INPP5D: variants seen among roughly 807,000 people sequenced by gnomAD.
The protein encoded by INPP5D is inositol polyphosphate-5-phosphatase D, also known as phosphatidylinositol 3,4,5-trisphosphate 5-phosphatase 1.
Under a neutral mutation model 122.9 loss-of-function variants are expected in INPP5D, and 33 were observed. That is an observed-to-expected ratio of 0.27 (90% CI 0.20 to 0.36). INPP5D has a LOEUF of 0.36. Ranked by LOEUF, INPP5D falls within the 10% of genes least tolerant of loss-of-function variation. The pLI, the probability that INPP5D is intolerant of heterozygous loss-of-function variation, is 1.00. For missense variants in INPP5D, 1,053 were observed against 1,412.7 expected (o/e 0.75, Z 4.08); for synonymous variants, 584 against 576.2 (o/e 1.01, Z -0.19).
intron 1 of INPP5D, among the ~76,000 whole-genome samples, chr2:233,074,288 C>T (rs963706555): frequency 5.3e-5 from 8 of 152,134 alleles, no homozygotes; most frequent in African/African-American, 1.9e-4. Context: ...GGGGGCGCCT[C>T]ATACCTGGGT....
chr2:233,098,246 C>G (rs1692202971), intron 2 of INPP5D, among the ~76,000 whole-genome samples: 1 of 152,104 alleles, frequency 6.6e-6, no homozygotes, highest in Admixed American at 6.6e-5. Context: ...GAGGAGGATG[C>G]AAGTCAAAGA....
At chr2:233,130,698 G>A in intron 5 of INPP5D, 50 bp downstream of exon 5, 1 of 1,604,236 alleles carries the variant, frequency 6.2e-7, no homozygotes, top group Non-Finnish European at 8.5e-7. Flanking sequence ...CACCAGGTGA[G>A]AGAAACAGCT....
At chr2:233,122,373 G>A (rs552686220) in intron 3 of INPP5D, 116 bp downstream of exon 3, 9 of 1,137,546 alleles carry the variant, frequency 7.9e-6, no homozygotes, top group Non-Finnish European at 9.8e-6. Flanking sequence ...TTGGCGTGGG[G>A]GTTAAGGACA....
At chr2:233,148,390 A>G (rs1292448189) in intron 9 of INPP5D, among the ~76,000 whole-genome samples, 1 of 152,204 alleles carries the variant, frequency 6.6e-6, no homozygotes, top group Non-Finnish European at 1.5e-5. Flanking sequence ...GAAAGGGCAG[A>G]CATGGAAGTT....
intron 24 of INPP5D, among the ~76,000 whole-genome samples, chr2:233,196,697 G>T (rs748203751): frequency 6.6e-6 from 1 of 152,152 alleles, no homozygotes; most frequent in East Asian, 1.9e-4. Context: ...CTAACTCACC[G>T]ATGTGGTCTC....
intron 5 of INPP5D, among the ~76,000 whole-genome samples, chr2:233,135,370 A>AT (rs1023180615): frequency 1.7e-4 from 26 of 149,496 alleles, no homozygotes; most frequent in South Asian, 6.3e-4. Context: ...TAATTAAACA[A>AT]TTTTTTTTTT....
intron 2 of INPP5D, among the ~76,000 whole-genome samples, chr2:233,109,886 G>A (rs543966161): frequency 6.6e-6 from 1 of 150,740 alleles, no homozygotes; most frequent in Non-Finnish European, 1.5e-5. Context: ...GCGCCCACCA[G>A]TCTTTATCTT....
intron 3 of INPP5D, 60 bp downstream of exon 3, chr2:233,122,317 T>A: frequency 6.5e-7 from 1 of 1,542,072 alleles, no homozygotes; most frequent in Non-Finnish European, 8.8e-7. Context: ...TGCACCCACC[T>A]TGAGTGCTTG....
intron 17 of INPP5D, 175 bp downstream of exon 17, chr2:233,171,327 C>A: frequency 2.1e-6 from 2 of 930,584 alleles, no homozygotes; most frequent in Non-Finnish European, 3.1e-6. Context: ...CACACTTGTG[C>A]ACTGCTTTGA....
At chr2:233,113,304 C>G (rs1182554953) in intron 2 of INPP5D, among the ~76,000 whole-genome samples, 5 of 152,122 alleles carry the variant, frequency 3.3e-5, no homozygotes, top group Non-Finnish European at 7.3e-5. Flanking sequence ...TGCAACCTGA[C>G]CACCTCCCTG....
intron 17 of INPP5D, among the ~76,000 whole-genome samples, chr2:233,176,942 A>G (rs1000099025): frequency 6.6e-6 from 1 of 152,060 alleles, no homozygotes; most frequent in Non-Finnish European, 1.5e-5. Flanking sequence ...GCAGAGACTG[A>G]GCTGAAAATA....
chr2:233,088,335 G>A (rs1691905703), intron 2 of INPP5D, among the ~76,000 whole-genome samples: 1 of 152,154 alleles, frequency 6.6e-6, no homozygotes, highest in Non-Finnish European at 1.5e-5. Context: ...CACTGGCCCT[G>A]TTGTCTGTTC....
At chr2:233,157,129 A>G (rs1694075380) in intron 9 of INPP5D, among the ~76,000 whole-genome samples, 1 of 152,256 alleles carries the variant, frequency 6.6e-6, no homozygotes, top group Admixed American at 6.5e-5. Flanking sequence ...GCCTCTAAAA[A>G]TGTATCACCG....
chr2:233,118,248 A>C (rs919692323), intron 2 of INPP5D, among the ~76,000 whole-genome samples: 3 of 151,516 alleles, frequency 2.0e-5, no homozygotes, highest in Non-Finnish European at 4.4e-5. Flanking sequence ...CCTACCGGCC[A>C]CTCTGCCCTG....
rs770876246 is a variant in INPP5D, at chr2:233,170,573, G to A, written c.1869G>A (p.Glu623=). 1.4e-5 allele frequency: 23 copies of A among 1,613,654 alleles called. No homozygotes were observed. Among genetic ancestry groups the A allele is most frequent in the Non-Finnish European group, 1.7e-5 (20 of 1,179,746 alleles). ...DLLSHDQLLT[E]RREQKVFLHF... ...TGTCCCACGACCAGCTGCTCACAGA[G>A]AGGAGGGAGCAGAAGGTCTTCCTAC... Residue 623 remains glutamate (E), a synonymous_variant, in exon 16 of 27, where the codon GAG becomes GAA. Transcript: ENST00000445964. This position sits in a 1 kb window ranked among gnomAD's most constrained non-coding sequence, Gnocchi z 4.5.
intron 25 of INPP5D, among the ~76,000 whole-genome samples, chr2:233,200,685 G>A (rs1024624608): frequency 3.3e-5 from 5 of 152,180 alleles, no homozygotes; most frequent in Admixed American, 6.5e-5. Context: ...TAGGCCAGGC[G>A]CGGTGGCTCA....
chr2:233,203,024 G>A (rs1276869114), intron 25 of INPP5D, among the ~76,000 whole-genome samples: 1 of 152,204 alleles, frequency 6.6e-6, no homozygotes, highest in Non-Finnish European at 1.5e-5. Flanking sequence ...AGGACTTCAT[G>A]TGGCTGGGAA....
At chr2:233,161,594 GTTGCT>G in intron 10 of INPP5D, 125 bp from the exon 11 acceptor site, 1 of 1,291,570 alleles carries the variant, frequency 7.7e-7, no homozygotes, top group Admixed American at 3.0e-5. Context: ...ATGTTTCCAG[GTTGCT>G]GTCCTGGAAG....
In INPP5D at chr2:233,146,406, C is replaced by T. The variant is rs1426795737; in HGVS notation, c.874C>T (p.Arg292Trp). The T allele has an allele frequency of 1.4e-5, 10 of 704,282 alleles. No homozygotes were observed. The highest frequency in any genetic ancestry group is 1.1e-4 in the East Asian group (4 of 37,428). The allele number at this position is 704,282 out of a possible 1,614,324, so 43.6% of individuals were successfully genotyped here. ...GCACGAGGGTCCTGAGTCTCCGCAC[C>T]GGCCCTCCCTTATCCCTCCAGTCAC... ...LLHEGPESPHRPSLIPPVTFE... is the reference protein window; with the variant it reads ...LLHEGPESPHWPSLIPPVTFE... Residue 292 changes from arginine (R) to tryptophan (W), a missense_variant, in exon 8 of 27, where the codon CGG becomes TGG. Physicochemically the swap from Arg to Trp is moderately radical, Grantham distance 101. Coordinates refer to ENST00000445964, the MANE Select transcript of INPP5D (RefSeq NM_001017915.3).
Sources: gnomAD v4.1 joint callset for allele counts (sites outside exome capture counted in the v4.1 genomes callset) on GRCh38, gnomAD v4.1.1 for gene constraint, Gnocchi (gnomAD v3.1) non-coding constraint, MANE v1.5 for transcripts, NCBI Gene and HGNC (gene_info 2026-07-23, HGNC 2026-07-21) for gene names.